The following PRICKLE1 variants were observed in gnomAD, a reference collection of about 807,000 sequenced individuals.
The protein encoded by PRICKLE1 is prickle-like protein 1.
In PRICKLE1, 14 loss-of-function variants were observed where a neutral mutation model predicts 70.2. That is an observed-to-expected ratio of 0.20 (90% CI 0.13 to 0.31). The LOEUF (loss-of-function observed/expected upper bound fraction) is 0.31, where lower values mean the gene tolerates loss of function less well. Among genes scored for constraint, PRICKLE1 ranks in the 10% least tolerant of loss-of-function variants. The pLI, the probability that PRICKLE1 is intolerant of heterozygous loss-of-function variation, is 1.00. For missense variants in PRICKLE1, 821 were observed against 1,026.2 expected (o/e 0.80, Z 2.73); for synonymous variants, 357 against 379.9 (o/e 0.94, Z 0.70).
chr12:42,459,156 AAAATCTGAACTGTACAGT>A lies in PRICKLE1; in HGVS notation c.*635_*652del. 1 of 552,112 alleles carries A rather than the reference AAAATCTGAACTGTACAGT, an allele frequency of 1.8e-6. No individual in the cohort carries two copies. The highest frequency in any genetic ancestry group is 3.2e-6 in the Non-Finnish European group (1 of 309,092). 34.2% of individuals were successfully genotyped at this position (552,112 alleles called of 1,614,324 possible). On this transcript the variant is annotated 3_prime_UTR_variant, in exon 8 of 8. Coordinates refer to ENST00000345127, the MANE Select transcript of PRICKLE1 (RefSeq NM_153026.3). The stretch of plus-strand genomic sequence containing the variant: ...TCAGGGATATAAAAATATCAGCTTT[AAAATCTGAACTGTACAGT>A]ATATACATTAATATTTGCACCGTTA...
At position 42,464,025 on chromosome 12, in the gene PRICKLE1, A is replaced by T. The variant is rs1937969500; in HGVS notation, c.1639+370T>A. Among the ~76,000 whole-genome samples, 1 of 151,710 alleles carries T rather than the reference A, an allele frequency of 6.6e-6. No homozygotes were observed. The highest frequency in any genetic ancestry group is 1.5e-5 in the Non-Finnish European group (1 of 67,950). On this transcript the variant is annotated intron_variant, in intron 7 of 7. Coordinates refer to ENST00000345127, the MANE Select transcript of PRICKLE1 (RefSeq NM_153026.3). This position sits in a 1 kb window ranked among gnomAD's most constrained non-coding sequence, Gnocchi z 4.2. ...TAACACACAACTCCTACTCATGCTG[A>T]ATTGCAATTTTTTTTTTTTTTGAGA...
chr12:42,468,616 T>A lies in PRICKLE1; in HGVS notation c.588+10A>T, dbSNP rs1312540606. ...TTTTTCCCAGTGTGAAAGGATGAAC[T>A]TTTTTTTACCTCGTCACATGCTGAG... is the stretch of plus-strand genomic sequence containing the variant. On this transcript the variant is annotated intron_variant, in intron 5 of 7. Coordinates refer to ENST00000345127, the MANE Select transcript of PRICKLE1 (RefSeq NM_153026.3). 3.1e-6 allele frequency: 5 copies of A among 1,610,708 alleles called. No individual in the cohort carries two copies. The highest frequency in any genetic ancestry group is 1.3e-5 in the African/African-American group (1 of 74,808).
chr12:42,538,183 C>A (rs1940047638), intron 1 of PRICKLE1, among the ~76,000 whole-genome samples: 1 of 152,130 alleles, frequency 6.6e-6, no homozygotes, highest in Non-Finnish European at 1.5e-5. Context: ...TCTTCTCTTT[C>A]ATTGTCCAAT....
chr12:42,517,233 TA>T (rs1392234602), intron 1 of PRICKLE1, among the ~76,000 whole-genome samples: 1 of 151,606 alleles, frequency 6.6e-6, no homozygotes. Flanking sequence ...ACTTCTTTTT[TA>T]AAAATACTTT....
intron 1 of PRICKLE1, among the ~76,000 whole-genome samples, chr12:42,525,230 T>C (rs917510723): frequency 6.6e-5 from 10 of 152,234 alleles, no homozygotes; most frequent in African/African-American, 2.2e-4. Flanking sequence ...TGAAGGGCAG[T>C]AGAGCATCGA....
chr12:42,459,296 A>G lies in PRICKLE1; in HGVS notation c.*513T>C. 1.4e-6 allele frequency: 1 copy of G among 702,376 alleles called. No individual in the cohort carries two copies. Among genetic ancestry groups the G allele is most frequent in the Non-Finnish European group, 2.6e-6 (1 of 384,936 alleles). The allele number at this position is 702,376 out of a possible 1,614,324, so 43.5% of individuals were successfully genotyped here. A position where few individuals can be genotyped will look rare whatever the true frequency, so the allele number is the denominator to read the frequency against. ...TCTGTAGCTGGCGCTGATACAATACAATGTTTACCTGGCCAAAGAGGGTTC... is the reference window on the plus strand; with the variant it reads ...TCTGTAGCTGGCGCTGATACAATACGATGTTTACCTGGCCAAAGAGGGTTC... On this transcript the variant is annotated 3_prime_UTR_variant, in exon 8 of 8. Coordinates refer to ENST00000345127, the MANE Select transcript of PRICKLE1 (RefSeq NM_153026.3).
chr12:42,521,864 C>A (rs533413459), intron 1 of PRICKLE1, among the ~76,000 whole-genome samples: 1 of 150,224 alleles, frequency 6.7e-6, no homozygotes, highest in African/African-American at 2.5e-5. Context: ...CCTCTTAGAA[C>A]GACTTAATTT....
chr12:42,485,481 G>C (rs543946477), intron 1 of PRICKLE1: 1 of 152,278 alleles, frequency 6.6e-6, no homozygotes, highest in East Asian at 1.9e-4. Flanking sequence ...GACTTCAAAG[G>C]TTACCATTTT....
Position 42,459,765 on chromosome 12 carries a change from G to A in PRICKLE1, c.*44C>T. 6.2e-7 allele frequency: 1 copy of A among 1,611,506 alleles called. No homozygotes were observed. The highest frequency in any genetic ancestry group is 2.2e-5 in the East Asian group (1 of 44,874). On this transcript the variant is annotated 3_prime_UTR_variant, in exon 8 of 8. Coordinates refer to ENST00000345127, the MANE Select transcript of PRICKLE1 (RefSeq NM_153026.3). ...GGAAGAAAAGGAAACGATTCAGACG[G>A]TTAATGGCTAAGTTTTAAACAAATG...
At chr12:42,492,025 C>T (rs1939115349) in intron 1 of PRICKLE1, among the ~76,000 whole-genome samples, 1 of 151,896 alleles carries the variant, frequency 6.6e-6, no homozygotes, top group South Asian at 2.1e-4. Flanking sequence ...ACCTAATGAC[C>T]TGCCTGTCTC....
chr12:42,542,926 C>T (rs1468827776), intron 1 of PRICKLE1, among the ~76,000 whole-genome samples: 1 of 152,010 alleles, frequency 6.6e-6, no homozygotes, highest in Non-Finnish European at 1.5e-5. Context: ...AGGAGGTGGG[C>T]GATTGGGAGG....
chr12:42,460,751 T>G, intron 7 of PRICKLE1, 86 bp from the exon 8 acceptor site: 1 of 1,505,792 alleles, frequency 6.6e-7, no homozygotes, highest in South Asian at 1.1e-5. Context: ...AAGGAAATAT[T>G]TCAAAGAAAA....
In PRICKLE1 at chr12:42,457,634, C is replaced by T. The variant is rs1374590468; in HGVS notation, c.*2175G>A. The T allele has an allele frequency of 6.6e-6, 1 of 152,180 alleles. No homozygotes were observed. 9.4% of individuals were successfully genotyped at this position (152,180 alleles called of 1,614,324 possible). Reference sequence around the variant, plus strand: ...TTTATGTGCACATGTGCCAGTGTAGCATAATGTATGAGGAAAGTCAACTCC... The same window carrying T: ...TTTATGTGCACATGTGCCAGTGTAGTATAATGTATGAGGAAAGTCAACTCC... On this transcript the variant is annotated 3_prime_UTR_variant, in exon 8 of 8. Transcript: ENST00000345127.
chr12:42,505,093 T>G, intron 1 of PRICKLE1, among the ~76,000 whole-genome samples: 1 of 152,116 alleles, frequency 6.6e-6, no homozygotes, highest in South Asian at 2.1e-4. Flanking sequence ...GAGCCTAGAC[T>G]GTGCCACTGC....
At chr12:42,465,362 A>T in intron 6 of PRICKLE1, 104 bp from the exon 7 acceptor site, 1 of 1,099,328 alleles carries the variant, frequency 9.1e-7, no homozygotes, top group Non-Finnish European at 1.3e-6. Context: ...GGTATGGGGG[A>T]GCTGTGTGGG....
intron 1 of PRICKLE1, among the ~76,000 whole-genome samples, chr12:42,493,003 G>A (rs1458019512): frequency 2.0e-5 from 3 of 152,006 alleles, no homozygotes; most frequent in Admixed American, 6.6e-5. Context: ...AGAATCTTGC[G>A]CATACTAAGT....
At chr12:42,535,685 G>A (rs1489418309) in intron 1 of PRICKLE1, among the ~76,000 whole-genome samples, 1 of 152,166 alleles carries the variant, frequency 6.6e-6, no homozygotes, top group Non-Finnish European at 1.5e-5. Flanking sequence ...TGGGGAGGTC[G>A]AGGCAGGAGG....
intron 1 of PRICKLE1, among the ~76,000 whole-genome samples, chr12:42,554,300 T>C (rs955953588): frequency 6.6e-6 from 1 of 152,250 alleles, no homozygotes; most frequent in African/African-American, 2.4e-5. Flanking sequence ...TTACATAGTG[T>C]TCCTCATTCT....
intron 1 of PRICKLE1, among the ~76,000 whole-genome samples, chr12:42,488,370 G>A (rs904586012): frequency 6.6e-6 from 1 of 152,192 alleles, no homozygotes; most frequent in Admixed American, 6.5e-5. Context: ...CCTTGTTCAG[G>A]GTTGTTATCT....
Sources: gnomAD v4.1 joint callset for allele counts (sites outside exome capture counted in the v4.1 genomes callset) on GRCh38, gnomAD v4.1.1 for gene constraint, Gnocchi (gnomAD v3.1) non-coding constraint, MANE v1.5 for transcripts, NCBI Gene and HGNC (gene_info 2026-07-23, HGNC 2026-07-21) for gene names.